Variants in CRYL1 observed in about 807,000 individuals in gnomAD.
The protein encoded by CRYL1 is lambda-crystallin homolog.
A neutral mutation model predicts 36.6 loss-of-function variants in CRYL1; 29 were observed. The ratio of observed to expected loss-of-function variants is 0.79; its 90% CI spans 0.59 to 1.08. CRYL1 has a LOEUF of 1.08. Among genes scored for constraint, CRYL1 ranks in the 50% least tolerant of loss-of-function variants. The pLI is 0.00. For missense variants in CRYL1, 411 were observed against 407.9 expected (o/e 1.01, Z -0.06); for synonymous variants, 152 against 151.5 (o/e 1.00, Z -0.02).
chr13:20,463,651 CAGGTAGCT>C (rs1033320269), intron 3 of CRYL1, among the ~76,000 whole-genome samples: 8 of 152,160 alleles, frequency 5.3e-5, no homozygotes, highest in Non-Finnish European at 1.0e-4. Flanking sequence ...TAAACAAGGA[CAGGTAGCT>C]AGCTCGGGGT....
chr13:20,512,576 C>G, intron 1 of CRYL1, 26 bp from the exon 2 acceptor site: 1 of 1,550,588 alleles, frequency 6.4e-7, no homozygotes, highest in African/African-American at 1.4e-5. Context: ...AGAAAGGATT[C>G]GAGTTAATTT....
chr13:20,503,024 T>A (rs1361633123), intron 2 of CRYL1, among the ~76,000 whole-genome samples: 1 of 152,170 alleles, frequency 6.6e-6, no homozygotes, highest in Non-Finnish European at 1.5e-5. Flanking sequence ...GCGCACGGCC[T>A]CAGAATATGC....
At chr13:20,414,796 A>T (rs1246709402) in intron 5 of CRYL1, among the ~76,000 whole-genome samples, 1 of 152,216 alleles carries the variant, frequency 6.6e-6, no homozygotes. Context: ...AATGATCTGC[A>T]AGAGCTGCGC....
intron 3 of CRYL1, among the ~76,000 whole-genome samples, chr13:20,441,412 C>A (rs1419330775): frequency 6.6e-6 from 1 of 152,132 alleles, no homozygotes; most frequent in Non-Finnish European, 1.5e-5. Context: ...GTCCTTAATG[C>A]TCTCAGTGCA....
At chr13:20,442,773 G>T (rs1008947887) in intron 3 of CRYL1, among the ~76,000 whole-genome samples, 2 of 152,194 alleles carry the variant, frequency 1.3e-5, no homozygotes, top group Non-Finnish European at 2.9e-5. Context: ...ACTGACTTTT[G>T]TTTGTTTGGG....
At chr13:20,504,480 AT>A (rs2137496511) in intron 2 of CRYL1, among the ~76,000 whole-genome samples, 1 of 151,082 alleles carries the variant, frequency 6.6e-6, no homozygotes, top group South Asian at 2.1e-4. Context: ...ATTTTTTTGT[AT>A]TTTTAGTAGA....
At chr13:20,446,747 T>G (rs1395212425) in intron 3 of CRYL1, among the ~76,000 whole-genome samples, 2 of 152,230 alleles carry the variant, frequency 1.3e-5, no homozygotes, top group African/African-American at 2.4e-5. Flanking sequence ...AGGACTGCAA[T>G]TTTGTTAATC....
At chr13:20,441,017 A>C (rs1017275221) in intron 3 of CRYL1, among the ~76,000 whole-genome samples, 1 of 152,126 alleles carries the variant, frequency 6.6e-6, no homozygotes, top group Non-Finnish European at 1.5e-5. Flanking sequence ...GGAAGACGCA[A>C]GAGCTGCTCT....
chr13:20,492,392 A>G (rs1360880460), intron 2 of CRYL1, among the ~76,000 whole-genome samples: 1 of 152,254 alleles, frequency 6.6e-6, no homozygotes, highest in Non-Finnish European at 1.5e-5. Context: ...TGGCTTAAAC[A>G]ATACAAATGT....
At chr13:20,458,768 C>T (rs1397729375) in intron 3 of CRYL1, among the ~76,000 whole-genome samples, 2 of 152,218 alleles carry the variant, frequency 1.3e-5, no homozygotes, top group African/African-American at 4.8e-5. Context: ...ATTTCTGCAG[C>T]AGCCTTATGC....
chr13:20,469,761 C>T (rs1323729111), intron 3 of CRYL1, among the ~76,000 whole-genome samples: 2 of 152,212 alleles, frequency 1.3e-5, no homozygotes, highest in Non-Finnish European at 2.9e-5. Flanking sequence ...CCCCAGGAAA[C>T]CTGTCAAAGG....
intron 4 of CRYL1, among the ~76,000 whole-genome samples, chr13:20,436,879 G>A (rs1157559334): frequency 1.3e-5 from 2 of 151,842 alleles, no homozygotes; most frequent in Admixed American, 6.6e-5. Context: ...GGGACTGGGG[G>A]CTGCAGGGTG....
intron 5 of CRYL1, chr13:20,430,623 T>C: frequency 1.0e-6 from 1 of 985,332 alleles, no homozygotes; most frequent in Non-Finnish European, 1.2e-6. Context: ...GAGAGTTCTT[T>C]GTGTACACCT....
intron 3 of CRYL1, among the ~76,000 whole-genome samples, chr13:20,453,396 T>TTTTGAATATTTTGAAATATTCTAATATA (rs1449500488): frequency 0.24 from 32,739 of 134,716 alleles, 5,668 homozygotes; most frequent in Admixed American, 0.32. Context: ...TTTTGAAATA[T>TTTTGAATATTTTGAAATATTCTAATATA]TTTGAATATT....
Position 20,425,610 on chromosome 13 carries a change from A to T in CRYL1, c.633+6492T>A, listed in dbSNP as rs1270072607. On this transcript the variant is annotated intron_variant, in intron 5 of 7. Transcript: ENST00000298248. The surrounding 1 kb of genome is among the most constrained non-coding windows in gnomAD (Gnocchi z 4.4). ...TGAATGTTGGTTGATAAGAGGAGAG[A>T]AGAAATCAAAGGACCATTCACCTCC... Among the ~76,000 whole-genome samples the T allele has an allele frequency of 6.6e-6, 1 of 152,152 alleles. No homozygotes were observed. Among genetic ancestry groups the T allele is most frequent in the Non-Finnish European group, 1.5e-5 (1 of 68,036 alleles).
At chr13:20,460,079 TG>T (rs1207297372) in intron 3 of CRYL1, among the ~76,000 whole-genome samples, 1 of 152,214 alleles carries the variant, frequency 6.6e-6, no homozygotes. Context: ...TTCAGCAATT[TG>T]CCCCTCACCC....
chr13:20,499,104 A>G (rs889808187), intron 2 of CRYL1, among the ~76,000 whole-genome samples: 1 of 152,150 alleles, frequency 6.6e-6, no homozygotes, highest in Non-Finnish European at 1.5e-5. Flanking sequence ...ACACTTTGGG[A>G]AGACAAGATG....
intron 1 of CRYL1, among the ~76,000 whole-genome samples, chr13:20,520,568 C>G (rs1042620929): frequency 2.6e-5 from 4 of 152,090 alleles, no homozygotes; most frequent in African/African-American, 9.7e-5. Context: ...TGGACTGGGC[C>G]CCACTTCCCT....
In CRYL1 at chr13:20,521,102, C is replaced by CA. The variant is rs55882188; in HGVS notation, c.41+4651dup. On this transcript the variant is annotated intron_variant, in intron 1 of 7. Transcript: ENST00000298248. Reference sequence around the variant, plus strand: ...TGGGTGAAAGAGCGAGACTCCGTCTCAAAAAAAAAAAAAAAAAAAAAAGGA... The same window carrying CA: ...TGGGTGAAAGAGCGAGACTCCGTCTCAAAAAAAAAAAAAAAAAAAAAAAGGA... 4.1e-3 allele frequency among the ~76,000 whole-genome samples: 310 copies of CA among 75,506 alleles called. 13 individuals are homozygous for CA. Among genetic ancestry groups the CA allele is most frequent in the African/African-American group, 0.016 (243 of 14,944 alleles). The allele number at this position is 75,506 out of a possible 152,430, so 49.5% of individuals were successfully genotyped here. A position where few individuals can be genotyped will look rare whatever the true frequency, so the allele number is the denominator to read the frequency against.
Sources: gnomAD v4.1 joint callset for allele counts (sites outside exome capture counted in the v4.1 genomes callset) on GRCh38, gnomAD v4.1.1 for gene constraint, Gnocchi (gnomAD v3.1) non-coding constraint, MANE v1.5 for transcripts, NCBI Gene and HGNC (gene_info 2026-07-23, HGNC 2026-07-21) for gene names.